The following OR4X2 variants were observed in gnomAD, a reference collection of about 807,000 sequenced individuals.
OR4X2 encodes the protein olfactory receptor family 4 subfamily X member 2, also known as olfactory receptor 4X2.
For missense variants in OR4X2, 554 were observed against 359.5 expected, an observed-to-expected ratio of 1.54 and a Z score of -4.38; for synonymous variants, 205 against 136.6, an observed-to-expected ratio of 1.50 and a Z score of -3.49.
rs375131078 is a variant in OR4X2, at chr11:48,245,978, G to A, written c.875G>A (p.Arg292Lys). ...GCTGAAATGAGGAAGGCCATGAAGA[G>A]GCTGTGGATTAGGACATTGAGACTA... Reference protein sequence around the residue: ...RNAEMRKAMKRLWIRTLRLNE... With the variant: ...RNAEMRKAMKKLWIRTLRLNE... The change falls in exon 1 of 1, where the codon AGG becomes AAG. Residue 292 changes from arginine (R) to lysine (K), a missense_variant. Arg to Lys is a conservative substitution (Grantham distance 26). Coordinates refer to ENST00000624868, the MANE Select transcript of OR4X2 (RefSeq NM_001004727.1). 1.5e-5 allele frequency: 25 copies of A among 1,613,832 alleles called. No individual in the cohort carries two copies. Among genetic ancestry groups the A allele is most frequent in the Admixed American group, 1.0e-4 (6 of 59,998 alleles).
Position 48,245,614 on chromosome 11 carries a change from T to C in OR4X2, c.511T>C (p.Cys171Arg), listed in dbSNP as rs751873909. The C allele has an allele frequency of 7.4e-6, 12 of 1,614,090 alleles. No homozygotes were observed. The highest frequency in any genetic ancestry group is 9.3e-6 in the Non-Finnish European group (11 of 1,180,044). Residue 171 changes from cysteine to arginine, a missense_variant, in exon 1 of 1, where the codon TGT becomes CGT. Cys to Arg is a radical substitution (Grantham distance 180, BLOSUM62 -3). Coordinates refer to ENST00000624868, the MANE Select transcript of OR4X2 (RefSeq NM_001004727.1). ...CCCCAATGTGATCAATCACTATTTC[T>C]GTGACCTAGTTCCCCTTCTCAAACT... is the stretch of plus-strand genomic sequence containing the variant. Reference protein sequence around the residue: ...CGPNVINHYFCDLVPLLKLAC... With the variant: ...CGPNVINHYFRDLVPLLKLAC...
rs765182199 is a variant in OR4X2 at position 48,245,494 on chromosome 11, C to G, written c.391C>G (p.Gln131Glu). The G allele has an allele frequency of 6.2e-7, 1 of 1,614,080 alleles. No homozygotes were observed. The highest frequency in any genetic ancestry group is 1.3e-5 in the African/African-American group (1 of 74,940). Residue 131 changes from glutamine (Q) to glutamate (E), a missense_variant, in exon 1 of 1, where the codon CAG becomes GAG. Transcript: ENST00000624868. The stretch of plus-strand genomic sequence containing the variant: ...CAGCTACACCACCATCATGAACTGG[C>G]AGGTGTGTACTGTCCTTGTAGGAAT... Reference protein sequence around the residue: ...PLSYTTIMNWQVCTVLVGIAW... With the variant: ...PLSYTTIMNWEVCTVLVGIAW...
chr11:48,245,579 T>C lies in OR4X2; in HGVS notation c.476T>C (p.Leu159Pro). 2.5e-6 allele frequency: 4 copies of C among 1,614,144 alleles called. No homozygotes were observed. The highest frequency in any genetic ancestry group is 3.4e-6 in the Non-Finnish European group (4 of 1,180,020). Residue 159 changes from leucine (L) to proline (P), a missense_variant, in exon 1 of 1, where the codon CTC (leucine) becomes CCC (proline). Coordinates refer to ENST00000624868, the MANE Select transcript of OR4X2 (RefSeq NM_001004727.1). ...CAAATCCTTCTCATCTTCCACCTGC[T>C]CTTCTGTGGCCCCAATGTGATCAAT... is the stretch of plus-strand genomic sequence containing the variant. ...FAQILLIFHLLFCGPNVINHY... is the reference protein window; with the variant it reads ...FAQILLIFHLPFCGPNVINHY...
chr11:48,245,297 ACTC>A lies in OR4X2; in HGVS notation c.199_201del (p.Ser67del), dbSNP rs1191346041. On this transcript the variant is annotated inframe_deletion, in exon 1 of 1. Coordinates refer to ENST00000624868, the MANE Select transcript of OR4X2 (RefSeq NM_001004727.1). ...TACCTCTCCTTCATGGAGATCTGCT[ACTC>A]CTCCGCTACAGCCCCCAAACTCATC... 1 of 1,612,974 alleles carries A rather than the reference ACTC, an allele frequency of 6.2e-7. No individual in the cohort carries two copies. Among genetic ancestry groups the A allele is most frequent in the Non-Finnish European group, 8.5e-7 (1 of 1,179,772 alleles).
Position 48,245,500 on chromosome 11 carries a change from T to A in OR4X2, c.397T>A (p.Cys133Ser). The A allele has an allele frequency of 6.2e-7, 1 of 1,614,164 alleles. No homozygotes were observed. Among genetic ancestry groups the A allele is most frequent in the Non-Finnish European group, 8.5e-7 (1 of 1,180,036 alleles). ...SYTTIMNWQV[C>S]TVLVGIAWVG... ...CACCACCATCATGAACTGGCAGGTG[T>A]GTACTGTCCTTGTAGGAATAGCATG... is the stretch of plus-strand genomic sequence containing the variant. Residue 133 changes from cysteine (C) to serine (S), a missense_variant, in exon 1 of 1, where the codon TGT becomes AGT. Transcript: ENST00000624868.
In OR4X2 at chr11:48,245,181, G is replaced by A. The variant is rs759253051; in HGVS notation, c.78G>A (p.Leu26=). ...TTTGCTTTGTGATATTTCTGTTCTT[G>A]TACACAGCAATTGTGCTGGGGAATT... The part of the protein sequence containing the change: ...QRVCFVIFLF[L]YTAIVLGNFL... Residue 26 remains leucine, a synonymous_variant, in exon 1 of 1, where the codon TTG becomes TTA. Coordinates refer to ENST00000624868, the MANE Select transcript of OR4X2 (RefSeq NM_001004727.1). 1.2e-6 allele frequency: 2 copies of A among 1,613,884 alleles called. No homozygotes were observed. The highest frequency in any genetic ancestry group is 1.7e-6 in the Non-Finnish European group (2 of 1,179,928).
At position 48,245,140 on chromosome 11, in the gene OR4X2, C is replaced by A. The variant is rs764234792; in HGVS notation, c.37C>A (p.Gln13Lys). 5 of 1,613,648 alleles carry A rather than the reference C, an allele frequency of 3.1e-6. No individual in the cohort carries two copies. The highest frequency in any genetic ancestry group is 1.3e-5 in the African/African-American group (1 of 74,906). The change falls in exon 1 of 1, where the codon CAG becomes AAG. Residue 13 changes from glutamine (Q) to lysine (K), a missense_variant. Coordinates refer to ENST00000624868, the MANE Select transcript of OR4X2 (RefSeq NM_001004727.1). ...EFIFLVLSPN[Q>K]EVQRVCFVIF... is the part of the protein sequence containing the mutation. Reference sequence around the variant, plus strand: ...CATTTTTCTGGTACTTTCTCCCAACCAGGAGGTGCAGAGGGTTTGCTTTGT... The same window carrying A: ...CATTTTTCTGGTACTTTCTCCCAACAAGGAGGTGCAGAGGGTTTGCTTTGT...
rs776453054 is a variant in OR4X2, at chr11:48,245,678, T to C, written c.575T>C (p.Val192Ala). The part of the protein sequence containing the change: ...SDTFLIGLLI[V>A]ANGGTLSVIS... Reference sequence around the variant, plus strand: ...ACCTTCCTCATTGGTCTGCTGATTGTTGCCAATGGAGGCACCCTGTCTGTG... The same window carrying C: ...ACCTTCCTCATTGGTCTGCTGATTGCTGCCAATGGAGGCACCCTGTCTGTG... Residue 192 changes from valine to alanine, a missense_variant, in exon 1 of 1, where the codon GTT becomes GCT. By Grantham distance (64) the Val-to-Ala change is moderately conservative. Transcript: ENST00000624868. The C allele has an allele frequency of 6.2e-7, 1 of 1,614,146 alleles. No individual in the cohort carries two copies. The highest frequency in any genetic ancestry group is 1.1e-5 in the South Asian group (1 of 91,084).
chr11:48,245,552 C>A lies in OR4X2; in HGVS notation c.449C>A (p.Ala150Glu). ...AWVGGFMHSF[A>E]QILLIFHLLF... ...GTGGGAGGCTTCATGCATTCCTTTG[C>A]ACAAATCCTTCTCATCTTCCACCTG... Residue 150 changes from alanine to glutamate, a missense_variant, in exon 1 of 1, where the codon GCA (alanine) becomes GAA (glutamate). By Grantham distance (107) the Ala-to-Glu change is moderately radical. Transcript: ENST00000624868. The A allele has an allele frequency of 6.2e-7, 1 of 1,614,138 alleles. No individual in the cohort carries two copies. Among genetic ancestry groups the A allele is most frequent in the Non-Finnish European group, 8.5e-7 (1 of 1,180,018 alleles).
Position 48,245,458 on chromosome 11 carries a change from T to G in OR4X2, c.355T>G (p.Cys119Gly), listed in dbSNP as rs1859055188. Residue 119 changes from cysteine (C) to glycine (G), a missense_variant, in exon 1 of 1, where the codon TGC becomes GGC. Cys to Gly is a radical substitution (Grantham distance 159). Transcript: ENST00000624868. ...GGCCTATGACCACTATGTGGCCATC[T>G]GCAAGCCCCTCAGCTACACCACCAT... ...VMAYDHYVAI[C>G]KPLSYTTIMN... 5.0e-6 allele frequency: 8 copies of G among 1,614,174 alleles called. No homozygotes were observed. Among genetic ancestry groups the G allele is most frequent in the Non-Finnish European group, 6.8e-6 (8 of 1,180,024 alleles).
chr11:48,245,527 G>C lies in OR4X2; in HGVS notation c.424G>C (p.Val142Leu). 2 of 1,614,118 alleles carry C rather than the reference G, an allele frequency of 1.2e-6. No homozygotes were observed. Among genetic ancestry groups the C allele is most frequent in the Non-Finnish European group, 1.7e-6 (2 of 1,180,010 alleles). ...VCTVLVGIAWVGGFMHSFAQI... is the reference protein window; with the variant it reads ...VCTVLVGIAWLGGFMHSFAQI... ...TACTGTCCTTGTAGGAATAGCATGGGTGGGAGGCTTCATGCATTCCTTTGC... is the reference window on the plus strand; with the variant it reads ...TACTGTCCTTGTAGGAATAGCATGGCTGGGAGGCTTCATGCATTCCTTTGC... The change falls in exon 1 of 1, where the codon GTG (valine) becomes CTG (leucine). Residue 142 changes from valine (V) to leucine (L), a missense_variant. Val to Leu is a conservative substitution (Grantham distance 32, BLOSUM62 1). Transcript: ENST00000624868.
chr11:48,245,860 C>A lies in OR4X2; in HGVS notation c.757C>A (p.Pro253Thr), dbSNP rs150300125. The A allele has an allele frequency of 1.2e-6, 2 of 1,613,992 alleles. No homozygotes were observed. The highest frequency in any genetic ancestry group is 1.7e-6 in the Non-Finnish European group (2 of 1,180,020). The change falls in exon 1 of 1, where the codon CCT (proline) becomes ACT (threonine). Residue 253 changes from proline (P) to threonine (T), a missense_variant. Transcript: ENST00000624868. ...GCCCTGCGTCTTCAACTCTCTGAGG[C>A]CTTCTACCACTCTGCCCATAGACAA... ...FGPCVFNSLR[P>T]STTLPIDKMV...
Position 48,245,134 on chromosome 11 carries a change from C to T in OR4X2, c.31C>T (p.Pro11Ser), listed in dbSNP as rs370398187. Residue 11 changes from proline to serine, a missense_variant, in exon 1 of 1, where the codon CCC (proline) becomes TCC (serine). Coordinates refer to ENST00000624868, the MANE Select transcript of OR4X2 (RefSeq NM_001004727.1). The part of the protein sequence containing the change: MTEFIFLVLS[P>S]NQEVQRVCFV... ...TGAATTCATTTTTCTGGTACTTTCT[C>T]CCAACCAGGAGGTGCAGAGGGTTTG... 3 of 1,613,424 alleles carry T rather than the reference C, an allele frequency of 1.9e-6. No homozygotes were observed. Among genetic ancestry groups the T allele is most frequent in the Non-Finnish European group, 2.5e-6 (3 of 1,179,730 alleles).
Position 48,245,867 on chromosome 11 carries a change from C to T in OR4X2, c.764C>T (p.Thr255Ile). The T allele has an allele frequency of 1.2e-6, 2 of 1,614,110 alleles. No homozygotes were observed. The highest frequency in any genetic ancestry group is 1.7e-6 in the Non-Finnish European group (2 of 1,180,012). Residue 255 changes from threonine (T) to isoleucine (I), a missense_variant, in exon 1 of 1, where the codon ACC (threonine) becomes ATC (isoleucine). Physicochemically the swap from Thr to Ile is moderately conservative, Grantham distance 89. Transcript: ENST00000624868. ...GTCTTCAACTCTCTGAGGCCTTCTA[C>T]CACTCTGCCCATAGACAAGATGGTG... ...PCVFNSLRPSTTLPIDKMVAV... is the reference protein window; with the variant it reads ...PCVFNSLRPSITLPIDKMVAV...
rs761908695 is a variant in OR4X2, at chr11:48,245,800, G to C, written c.697G>C (p.Gly233Arg). 2.5e-6 allele frequency: 4 copies of C among 1,614,044 alleles called. No individual in the cohort carries two copies. In the Admixed American group the frequency reaches 6.7e-5, roughly 27 times the overall value. Residue 233 changes from glycine to arginine, a missense_variant, in exon 1 of 1, where the codon GGG (glycine) becomes CGG (arginine). Coordinates refer to ENST00000624868, the MANE Select transcript of OR4X2 (RefSeq NM_001004727.1). ...EGWCKALSTC[G>R]SHFAVVILFF... ...GTGGTGCAAAGCCCTCTCCACCTGTGGGTCCCATTTCGCTGTGGTTATCTT... is the reference window on the plus strand; with the variant it reads ...GTGGTGCAAAGCCCTCTCCACCTGTCGGTCCCATTTCGCTGTGGTTATCTT...
Position 48,245,186 on chromosome 11 carries a change from CA to C in OR4X2, c.84del (p.Ala29GlnfsTer14), listed in dbSNP as rs766905387. 3 of 1,614,076 alleles carry C rather than the reference CA, an allele frequency of 1.9e-6. No homozygotes were observed. In the South Asian group the frequency reaches 3.3e-5, roughly 18 times the overall value. ...TTTGTGATATTTCTGTTCTTGTACA[CA>C]GCAATTGTGCTGGGGAATTTCCTCA... ...VCFVIFLFLYTAIVLGNFLIV... is the reference protein window; with the variant it reads ...VCFVIFLFLYXAIVLGNFLIV... On this transcript the variant is annotated frameshift_variant, in exon 1 of 1. Coordinates refer to ENST00000624868, the MANE Select transcript of OR4X2 (RefSeq NM_001004727.1). LOFTEE classifies it low-confidence loss of function (END_TRUNC).
rs779442862 is a variant in OR4X2, at chr11:48,245,254, A to G, written c.151A>G (p.Met51Val). Residue 51 changes from methionine (M) to valine (V), a missense_variant, in exon 1 of 1, where the codon ATG (methionine) becomes GTG (valine). Transcript: ENST00000624868. ...GACCAGCAGAAGCCTTGGTTCCCCC[A>G]TGTACTTCTTCCTCAGCTACCTCTC... ...VMTSRSLGSPMYFFLSYLSFM... is the reference protein window; with the variant it reads ...VMTSRSLGSPVYFFLSYLSFM... 12 of 1,614,012 alleles carry G rather than the reference A, an allele frequency of 7.4e-6. No individual in the cohort carries two copies. Among genetic ancestry groups the G allele is most frequent in the African/African-American group, 5.3e-5 (4 of 74,912 alleles).
rs774189296 is a variant in OR4X2 at position 48,245,786 on chromosome 11, C to T, written c.683C>T (p.Ala228Val). Reference sequence around the variant, plus strand: ...TGGAGCTCTGAAGGGTGGTGCAAAGCCCTCTCCACCTGTGGGTCCCATTTC... The same window carrying T: ...TGGAGCTCTGAAGGGTGGTGCAAAGTCCTCTCCACCTGTGGGTCCCATTTC... Reference protein sequence around the residue: ...RTWSSEGWCKALSTCGSHFAV... With the variant: ...RTWSSEGWCKVLSTCGSHFAV... The change falls in exon 1 of 1, where the codon GCC (alanine) becomes GTC (valine). Residue 228 changes from alanine to valine, a missense_variant. Physicochemically the swap from Ala to Val is moderately conservative, Grantham distance 64. Transcript: ENST00000624868. The T allele has an allele frequency of 1.9e-6, 3 of 1,614,066 alleles. No individual in the cohort carries two copies. Among genetic ancestry groups the T allele is most frequent in the South Asian group, 1.1e-5 (1 of 91,072 alleles).
Position 48,245,617 on chromosome 11 carries a change from G to C in OR4X2, c.514G>C (p.Asp172His). ...CAATGTGATCAATCACTATTTCTGT[G>C]ACCTAGTTCCCCTTCTCAAACTTGC... ...GPNVINHYFC[D>H]LVPLLKLACS... The change falls in exon 1 of 1, where the codon GAC (aspartate) becomes CAC (histidine). Residue 172 changes from aspartate to histidine, a missense_variant. Asp to His is a moderately conservative substitution (Grantham distance 81). Transcript: ENST00000624868. The C allele has an allele frequency of 6.2e-7, 1 of 1,614,074 alleles. No individual in the cohort carries two copies. The highest frequency in any genetic ancestry group is 1.3e-5 in the African/African-American group (1 of 75,008).
Sources: gnomAD v4.1 joint callset for allele counts on GRCh38, gnomAD v4.1.1 for gene constraint, MANE v1.5 for transcripts, NCBI Gene and HGNC (gene_info 2026-07-23, HGNC 2026-07-21) for gene names.